Variants in PUDP observed in about 807,000 individuals in gnomAD.
PUDP encodes the protein pseudouridine 5'-phosphatase.
A neutral mutation model predicts 9.4 loss-of-function variants in PUDP; 8 were observed. The ratio of observed to expected loss-of-function variants is 0.85; its 90% CI spans 0.50 to 1.53. PUDP has a LOEUF of 1.53. PUDP is among the 40% of genes most tolerant of loss of function. The pLI is 0.00. For missense variants in PUDP, 188 were observed against 189.7 expected (o/e 0.99, Z 0.05); for synonymous variants, 99 against 80.7 (o/e 1.23, Z -1.22).
intron 3 of PUDP, among the ~76,000 whole-genome samples, chrX:6,751,177 GAAAA>G (rs1188946512): frequency 9.2e-6 from 1 of 108,121 alleles, no homozygotes; most frequent in East Asian, 2.8e-4. Flanking sequence ...AAGAAAGAAA[GAAAA>G]AAAGAAAGAA....
chrX:6,912,887 T>C (rs900017350), intron 3 of PUDP, among the ~76,000 whole-genome samples: 1 of 112,136 alleles, frequency 8.9e-6, no homozygotes, highest in Non-Finnish European at 1.9e-5. Context: ...TCCAAATCAT[T>C]TTCTCTGCCT....
At chrX:7,021,105 C>G (rs905948202) in intron 1 of PUDP, among the ~76,000 whole-genome samples, 27 of 112,584 alleles carry the variant, frequency 2.4e-4, no homozygotes, top group Admixed American at 2.0e-3. Context: ...CTTGATGAAG[C>G]TCTCAGGGTC....
At chrX:6,797,475 CTT>C (rs1925863344) in intron 3 of PUDP, among the ~76,000 whole-genome samples, 8 of 111,587 alleles carry the variant, frequency 7.2e-5, no homozygotes, top group African/African-American at 6.5e-5. Context: ...TGCTCTCTCT[CTT>C]GGGTCATTCA....
At chrX:7,012,755 C>G (rs933426918) in intron 1 of PUDP, among the ~76,000 whole-genome samples, 6 of 111,125 alleles carry the variant, frequency 5.4e-5, no homozygotes, top group African/African-American at 2.0e-4. Flanking sequence ...CTTGACTTCT[C>G]TCTGCAAATG....
At chrX:6,781,204 T>TC (rs1925556007) in intron 3 of PUDP, among the ~76,000 whole-genome samples, 1 of 111,047 alleles carries the variant, frequency 9.0e-6, no homozygotes, top group South Asian at 3.8e-4. Flanking sequence ...ACACCAGCAA[T>TC]CACATATCAC....
At chrX:6,969,287 C>T (rs1394665641) in intron 3 of PUDP, among the ~76,000 whole-genome samples, 3 of 112,110 alleles carry the variant, frequency 2.7e-5, no homozygotes, top group African/African-American at 9.7e-5. Context: ...CCATAGACTG[C>T]TTGACAGCCT....
rs371989508 is a variant in PUDP, at chrX:6,709,181, G to A, written n.129-2715C>T. 5.4e-5 allele frequency among the ~76,000 whole-genome samples: 6 copies of A among 112,007 alleles called. No homozygotes were observed. In the East Asian group the frequency reaches 1.1e-3, roughly 21 times the overall value. Reference sequence around the variant, plus strand: ...CCCACTTCAAATCCCCATTGAGATTGCATTGCCTGTGAAATAAAACCCAAG... The same window carrying A: ...CCCACTTCAAATCCCCATTGAGATTACATTGCCTGTGAAATAAAACCCAAG... On this transcript the variant is annotated intron_variant and non_coding_transcript_variant, in intron 1 of 2. Transcript: ENST00000438499.
chrX:6,768,068 T>A (rs1460758908), intron 3 of PUDP, among the ~76,000 whole-genome samples: 1 of 111,915 alleles, frequency 8.9e-6, no homozygotes, highest in Non-Finnish European at 1.9e-5. Flanking sequence ...CAAAGTTCAA[T>A]TGAAATTGCC....
At chrX:6,878,104 C>A (rs1223914787) in intron 3 of PUDP, among the ~76,000 whole-genome samples, 1 of 112,191 alleles carries the variant, frequency 8.9e-6, no homozygotes, top group Non-Finnish European at 1.9e-5. Context: ...ATTGGAGAAC[C>A]TCCTCCACAC....
chrX:6,829,612 G>T (rs1220770389), intron 3 of PUDP, among the ~76,000 whole-genome samples: 3 of 111,627 alleles, frequency 2.7e-5, no homozygotes, highest in Admixed American at 1.9e-4. Context: ...GTTTTAATTT[G>T]CACTTTCCTG....
chrX:7,028,111 G>T (rs1929744383), intron 1 of PUDP, among the ~76,000 whole-genome samples: 1 of 106,446 alleles, frequency 9.4e-6, no homozygotes, highest in Admixed American at 1.0e-4. Flanking sequence ...AGTACAGATA[G>T]ACAATATTAT....
rs180749464 is a variant in PUDP, at chrX:6,819,175, C to T, written c.*248-112709G>A. On this transcript the variant is annotated intron_variant and NMD_transcript_variant, in intron 3 of 3. Coordinates refer to the PUDP transcript ENST00000655425. ...ATTAAAGACTGGGGTGGGATTTGGG[C>T]ATCTTTATGGCATAAGCCAACAACA... 1.1e-4 allele frequency among the ~76,000 whole-genome samples: 12 copies of T among 111,786 alleles called. No homozygotes were observed. The East Asian group carries it at 3.4e-3, about 32-fold the overall frequency.
intron 3 of PUDP, among the ~76,000 whole-genome samples, chrX:6,903,129 A>G (rs996118284): frequency 8.9e-6 from 1 of 112,039 alleles, no homozygotes; most frequent in Non-Finnish European, 1.9e-5. Flanking sequence ...CACATGCAGC[A>G]ATGTCACATT....
intron 1 of PUDP, among the ~76,000 whole-genome samples, chrX:7,011,196 CTCATGA>C (rs1929472638): frequency 8.9e-6 from 1 of 111,989 alleles, no homozygotes; most frequent in African/African-American, 3.3e-5. Context: ...TGGGGACGTC[CTCATGA>C]TAGTGAGATG....
intron 1 of PUDP, among the ~76,000 whole-genome samples, chrX:7,021,295 T>A (rs1479724512): frequency 1.8e-5 from 2 of 112,086 alleles, no homozygotes; most frequent in Non-Finnish European, 3.8e-5. Flanking sequence ...ATCATCCCAA[T>A]GGGCCGCCTC....
At chrX:7,133,491 G>A (rs757096827) in intron 1 of PUDP, among the ~76,000 whole-genome samples, 7 of 112,264 alleles carry the variant, frequency 6.2e-5, no homozygotes, top group Non-Finnish European at 1.1e-4. Flanking sequence ...AAAGGAAGCC[G>A]GAAGTTCTGG....
chrX:7,002,911 G>A (rs761582504), intron 1 of PUDP, among the ~76,000 whole-genome samples: 1 of 110,309 alleles, frequency 9.1e-6, no homozygotes, highest in East Asian at 2.9e-4. Flanking sequence ...AAGGAGCCCC[G>A]GAAAGCACCG....
At chrX:7,081,014 G>A (rs1310580611) in intron 2 of PUDP, among the ~76,000 whole-genome samples, 2 of 110,428 alleles carry the variant, frequency 1.8e-5, no homozygotes, top group Non-Finnish European at 3.8e-5. Flanking sequence ...TTTAAAACAA[G>A]ATTTTTAAAT....
Position 6,827,234 on chromosome X carries a change from C to T in PUDP, c.*248-120768G>A, listed in dbSNP as rs13347440. Among the ~76,000 whole-genome samples, 963 of 111,508 alleles carry T rather than the reference C, an allele frequency of 8.6e-3. 12 individuals are homozygous for T. The highest frequency in any genetic ancestry group is 0.029 in the African/African-American group (905 of 30,678). On this transcript the variant is annotated intron_variant and NMD_transcript_variant, in intron 3 of 3. Transcript: ENST00000655425. ...ATTATTATGAAAAGGAAGGTGTTAC[C>T]GGTGGAGGGTGTCCAGGTTCTTGGT...
Sources: gnomAD v4.1 joint callset for allele counts (sites outside exome capture counted in the v4.1 genomes callset) on GRCh38, gnomAD v4.1.1 for gene constraint, MANE v1.5 for transcripts, NCBI Gene and HGNC (gene_info 2026-07-23, HGNC 2026-07-21) for gene names.